MTMR8: variants seen among roughly 807,000 people sequenced by gnomAD.
MTMR8 encodes the protein myotubularin related protein 8.
MTMR8 carries 65 observed loss-of-function variants against 39.3 expected under a neutral mutation model. That is an observed-to-expected ratio of 1.65 (90% CI 1.35 to 2.03). The LOEUF is 2.03. Among genes scored for constraint, MTMR8 ranks in the 30% most tolerant of loss-of-function variants. MTMR8 has a pLI of 0.00. For missense variants in MTMR8, 777 were observed against 538.9 expected (o/e 1.44, Z -4.37); for synonymous variants, 245 against 185.2 (o/e 1.32, Z -2.62).
intron 6 of MTMR8, among the ~76,000 whole-genome samples, chrX:64,346,083 G>A (rs1410424240): frequency 1.8e-5 from 2 of 111,578 alleles, no homozygotes; most frequent in Non-Finnish European, 3.8e-5. Context: ...ATGCTGGGTG[G>A]GGTAGGGAGT....
At chrX:64,326,950 A>T (rs979810328) in intron 12 of MTMR8, among the ~76,000 whole-genome samples, 5 of 111,162 alleles carry the variant, frequency 4.5e-5, no homozygotes, top group African/African-American at 1.6e-4. Flanking sequence ...ATCTTCAGTA[A>T]ATGGTGCTGA....
intron 12 of MTMR8, among the ~76,000 whole-genome samples, chrX:64,281,598 A>G (rs1227054266): frequency 2.7e-5 from 3 of 112,068 alleles, no homozygotes; most frequent in Non-Finnish European, 3.8e-5. Context: ...CATAAAAACC[A>G]TAGAAGAAAA....
Position 64,337,192 on chromosome X carries a change from T to C in MTMR8, c.1101+76A>G, listed in dbSNP as rs929505057. The C allele has an allele frequency of 2.5e-4, 267 of 1,084,236 alleles. 1 individual carries two copies. The highest frequency in any genetic ancestry group is 2.1e-4 in the Non-Finnish European group (169 of 807,434). The allele number at this position is 1,084,236 out of a possible 1,213,427, so 89.4% of individuals were successfully genotyped here. ...AGAGCTAACTCTGGCAAAAAAAATA[T>C]TGTTTGACAGTTATTTTTTATTTTG... On this transcript the variant is annotated intron_variant, in intron 9 of 13. Coordinates refer to ENST00000374852, the MANE Select transcript of MTMR8 (RefSeq NM_017677.4).
At chrX:64,302,335 G>GC (rs1385601419) in intron 12 of MTMR8, among the ~76,000 whole-genome samples, 1 of 112,314 alleles carries the variant, frequency 8.9e-6, no homozygotes, top group African/African-American at 3.2e-5. Context: ...TTTTCCAGGT[G>GC]CGTCTGTCAC....
chrX:64,373,872 A>G (rs964663950), intron 1 of MTMR8, among the ~76,000 whole-genome samples: 5 of 111,699 alleles, frequency 4.5e-5, no homozygotes, highest in Non-Finnish European at 9.4e-5. Flanking sequence ...TCTGAAGAAT[A>G]CTGATCTTGT....
At chrX:64,352,979 G>T (rs748061679) in intron 4 of MTMR8, among the ~76,000 whole-genome samples, 1 of 111,582 alleles carries the variant, frequency 9.0e-6, no homozygotes, top group South Asian at 3.8e-4. Context: ...GTCACGAAGC[G>T]CTTTATGATA....
chrX:64,270,874 C>A, intron 13 of MTMR8, 73 bp downstream of exon 13: 1 of 1,111,070 alleles, frequency 9.0e-7, no homozygotes, highest in South Asian at 2.3e-5. Flanking sequence ...CCACAAGTAT[C>A]AATTCAACTC....
At chrX:64,362,984 T>A (rs1452380971) in intron 1 of MTMR8, among the ~76,000 whole-genome samples, 1 of 110,423 alleles carries the variant, frequency 9.1e-6, no homozygotes, top group Non-Finnish European at 1.9e-5. Context: ...GAAGAGAAGC[T>A]CAAAACATTG....
At chrX:64,385,729 C>T (rs1164974223) in intron 1 of MTMR8, among the ~76,000 whole-genome samples, 1 of 111,074 alleles carries the variant, frequency 9.0e-6, no homozygotes, top group East Asian at 2.8e-4. Flanking sequence ...TCATAATTCA[C>T]TCACTATCAT....
chrX:64,312,943 GCAGACATGCTAT>G (rs1432640830), intron 12 of MTMR8, among the ~76,000 whole-genome samples: 6 of 112,426 alleles, frequency 5.3e-5, no homozygotes, highest in Non-Finnish European at 7.5e-5. Flanking sequence ...CATGCTGTGA[GCAGACATGCTAT>G]CATCTAGGCT....
At position 64,268,568 on chromosome X, in the gene MTMR8, G is replaced by C. The variant is rs1418361860; in HGVS notation, c.2084C>G (p.Thr695Ser). The change falls in exon 14 of 14, where the codon ACC becomes AGC. Residue 695 changes from threonine to serine, a missense_variant. Physicochemically the swap from Thr to Ser is moderately conservative, Grantham distance 58. Transcript: ENST00000374852. ...LGDTGISKAS[T>S]KEADYSKHQ ...ATGCTTGGAGTAGTCTGCCTCCTTG[G>C]TGCTGGCCTTGGAGATGCCTGTGTC... The C allele has an allele frequency of 8.3e-7, 1 of 1,207,951 alleles. No homozygotes were observed. The highest frequency in any genetic ancestry group is 1.8e-5 in the African/African-American group (1 of 57,005).
intron 1 of MTMR8, among the ~76,000 whole-genome samples, chrX:64,374,882 G>T (rs767991382): frequency 2.0e-4 from 22 of 109,115 alleles, no homozygotes; most frequent in African/African-American, 7.3e-4. Flanking sequence ...AGATTGGAGC[G>T]ATGGATATAG....
At chrX:64,322,176 T>A (rs1922668218) in intron 12 of MTMR8, among the ~76,000 whole-genome samples, 1 of 110,085 alleles carries the variant, frequency 9.1e-6, no homozygotes, top group African/African-American at 3.3e-5. Context: ...TTGATTTTTT[T>A]TTGTAGAGAC....
intron 12 of MTMR8, among the ~76,000 whole-genome samples, chrX:64,282,636 A>G (rs1227968184): frequency 8.9e-6 from 1 of 111,958 alleles, no homozygotes; most frequent in Non-Finnish European, 1.9e-5. Context: ...TTGACAGTGA[A>G]CACAGGATAA....
intron 12 of MTMR8, among the ~76,000 whole-genome samples, chrX:64,313,912 G>T (rs1327941733): frequency 8.9e-6 from 1 of 112,403 alleles, no homozygotes. Context: ...ATCAGCTGAT[G>T]TTTCTTCAAT....
At chrX:64,323,071 G>A (rs967965386) in intron 12 of MTMR8, among the ~76,000 whole-genome samples, 1 of 112,176 alleles carries the variant, frequency 8.9e-6, no homozygotes, top group African/African-American at 3.2e-5. Flanking sequence ...TGGCCCCCGT[G>A]TGACAATGGC....
chrX:64,347,818 T>A (rs908066094), intron 6 of MTMR8, among the ~76,000 whole-genome samples: 14 of 112,497 alleles, frequency 1.2e-4, no homozygotes, highest in Non-Finnish European at 1.9e-4. Flanking sequence ...ACAGCCCATA[T>A]AGAGCCACAC....
intron 12 of MTMR8, among the ~76,000 whole-genome samples, chrX:64,294,163 G>C (rs774533625): frequency 5.4e-5 from 6 of 111,992 alleles, no homozygotes; most frequent in Non-Finnish European, 1.1e-4. Context: ...TAACTATAGA[G>C]AGTTAAATAA....
At chrX:64,271,645 G>C (rs1172431623) in intron 12 of MTMR8, among the ~76,000 whole-genome samples, 1 of 112,530 alleles carries the variant, frequency 8.9e-6, no homozygotes, top group Non-Finnish European at 1.9e-5. Context: ...CCCATTCCCA[G>C]CTTCTATCTC....
Sources: gnomAD v4.1 joint callset for allele counts (sites outside exome capture counted in the v4.1 genomes callset) on GRCh38, gnomAD v4.1.1 for gene constraint, MANE v1.5 for transcripts, NCBI Gene and HGNC (gene_info 2026-07-23, HGNC 2026-07-21) for gene names.